The following BTF3L4 variants were observed in gnomAD, a reference collection of about 807,000 sequenced individuals.
The protein encoded by BTF3L4 is transcription factor BTF3 homolog 4.
In BTF3L4, 6 loss-of-function variants were observed where a neutral mutation model predicts 16.8. The observed-to-expected ratio is 0.36, with a 90% confidence interval of 0.20 to 0.71. The LOEUF is 0.71. Among genes scored for constraint, BTF3L4 ranks in the 30% least tolerant of loss-of-function variants. The pLI, the probability that BTF3L4 is intolerant of heterozygous loss-of-function variation, is 0.58. For synonymous variants in BTF3L4, 39 were observed against 59.8 expected (o/e 0.65, Z 1.60); for missense variants, 92 against 186.9 (o/e 0.49, Z 2.96).
chr1:52,064,136 C>G (rs1330595876), intron 2 of BTF3L4, among the ~76,000 whole-genome samples: 1 of 152,212 alleles, frequency 6.6e-6, no homozygotes, highest in Non-Finnish European at 1.5e-5. Flanking sequence ...CCCATTTTCT[C>G]TCTTCTAGAA....
chr1:52,076,367 A>G (rs1206812724), intron 3 of BTF3L4, among the ~76,000 whole-genome samples: 1 of 152,072 alleles, frequency 6.6e-6, no homozygotes, highest in Non-Finnish European at 1.5e-5. Context: ...CGATGTCAGG[A>G]GTTCGAGACT....
chr1:52,066,358 A>ATT (rs201141498), intron 3 of BTF3L4, among the ~76,000 whole-genome samples: 2 of 138,902 alleles, frequency 1.4e-5, no homozygotes, highest in African/African-American at 2.6e-5. Flanking sequence ...CACCCGGATA[A>ATT]TTTTTTTTTT....
rs1643974160 is a variant in BTF3L4, at chr1:52,086,523, A to G, written c.431-189A>G. ...AAAAGATGAACATTTCCTTAGGATT[A>G]CTGTCCTAAGCAAATAATTAAATCA... On this transcript the variant is annotated intron_variant, in intron 5 of 5. Coordinates refer to ENST00000313334, the MANE Select transcript of BTF3L4 (RefSeq NM_152265.5). The G allele has an allele frequency of 1.4e-5, 7 of 510,620 alleles. No individual in the cohort carries two copies. The South Asian group carries it at 1.7e-4, about 13-fold the overall frequency. 31.6% of individuals were successfully genotyped at this position (510,620 alleles called of 1,614,324 possible).
chr1:52,060,717 A>C, intron 2 of BTF3L4: 1 of 715,834 alleles, frequency 1.4e-6, no homozygotes, highest in Non-Finnish European at 1.7e-6. Flanking sequence ...ACTGATGATA[A>C]CCACAGTTCC....
chr1:52,071,817 T>C (rs1686792417), intron 3 of BTF3L4, among the ~76,000 whole-genome samples: 1 of 152,090 alleles, frequency 6.6e-6, no homozygotes, highest in East Asian at 1.9e-4. Context: ...TAGACAGCTC[T>C]GAGTACACGA....
chr1:52,060,638 T>C (rs1031414201), intron 2 of BTF3L4: 1 of 1,082,116 alleles, frequency 9.2e-7, no homozygotes, highest in African/African-American at 1.6e-5. Context: ...GAAAGAATAG[T>C]ACTTACCTCA....
At chr1:52,061,218 G>C (rs1209104713) in intron 2 of BTF3L4, among the ~76,000 whole-genome samples, 2 of 152,188 alleles carry the variant, frequency 1.3e-5, no homozygotes, top group Non-Finnish European at 2.9e-5. Flanking sequence ...GTAATGGGTG[G>C]TGGCTCACGC....
chr1:52,068,743 C>A (rs375184986), intron 3 of BTF3L4, among the ~76,000 whole-genome samples: 1 of 152,276 alleles, frequency 6.6e-6, no homozygotes, highest in Admixed American at 6.5e-5. Flanking sequence ...GTACTGAGCA[C>A]CTACCATGCA....
chr1:52,068,083 A>G (rs902315440), intron 3 of BTF3L4, among the ~76,000 whole-genome samples: 6 of 152,198 alleles, frequency 3.9e-5, no homozygotes, highest in African/African-American at 1.4e-4. Flanking sequence ...GTTTTTGTTC[A>G]GATTTGGAAG....
chr1:52,059,986 C>G, intron 2 of BTF3L4, 85 bp downstream of exon 2: 1 of 1,312,186 alleles, frequency 7.6e-7, no homozygotes, highest in South Asian at 1.4e-5. Flanking sequence ...CATTGAAAAT[C>G]TAAAATCTTT....
intron 1 of BTF3L4, among the ~76,000 whole-genome samples, chr1:52,057,004 CAAT>C (rs1157768257): frequency 6.6e-6 from 1 of 152,164 alleles, no homozygotes; most frequent in Non-Finnish European, 1.5e-5. Flanking sequence ...GGAGTGGTAA[CAAT>C]AGTTACCAGT....
intron 1 of BTF3L4, among the ~76,000 whole-genome samples, chr1:52,059,329 T>C (rs189530747): frequency 6.6e-6 from 1 of 152,330 alleles, no homozygotes; most frequent in Admixed American, 6.5e-5. Context: ...TAGACAGCCT[T>C]TTGTTGAATT....
rs969243371 is a variant in BTF3L4 at position 52,089,051 on chromosome 1, C to T, written c.*2293C>T. 1.2e-4 allele frequency: 18 copies of T among 152,056 alleles called. No homozygotes were observed. The highest frequency in any genetic ancestry group is 3.9e-4 in the African/African-American group (16 of 41,368). The allele number at this position is 152,056 out of a possible 1,614,324, so 9.4% of individuals were successfully genotyped here. A position where few individuals can be genotyped will look rare whatever the true frequency, so the allele number is the denominator to read the frequency against. ...CTAGGATTACAGGCGTGAGCCACTGCACCCAGCCCAAATGAGATGTTTCTA... is the reference window on the plus strand; with the variant it reads ...CTAGGATTACAGGCGTGAGCCACTGTACCCAGCCCAAATGAGATGTTTCTA... On this transcript the variant is annotated 3_prime_UTR_variant, in exon 6 of 6. Transcript: ENST00000313334.
intron 3 of BTF3L4, among the ~76,000 whole-genome samples, chr1:52,069,563 A>G (rs1394729291): frequency 6.6e-6 from 1 of 152,196 alleles, no homozygotes; most frequent in East Asian, 1.9e-4. Context: ...CTTGTTACAA[A>G]GTGTGAACTC....
At chr1:52,067,541 T>A (rs928834269) in intron 3 of BTF3L4, among the ~76,000 whole-genome samples, 5 of 152,220 alleles carry the variant, frequency 3.3e-5, no homozygotes, top group Non-Finnish European at 7.3e-5. Context: ...AGCTTTTATA[T>A]ATTTTCATGG....
intron 1 of BTF3L4, among the ~76,000 whole-genome samples, chr1:52,058,830 C>T (rs1394431233): frequency 1.3e-5 from 2 of 152,162 alleles, no homozygotes; most frequent in Non-Finnish European, 2.9e-5. Context: ...GAACTCCCGA[C>T]CTCAGGTGAT....
At chr1:52,074,701 T>G (rs6702004) in intron 3 of BTF3L4, among the ~76,000 whole-genome samples, 138,449 of 150,124 alleles carry the variant, frequency 0.92, 64,629 homozygotes, top group Non-Finnish European at 1. Context: ...TAGAGATGGG[T>G]TTTCACTGTT....
chr1:52,072,706 C>T (rs1686820099), intron 3 of BTF3L4, among the ~76,000 whole-genome samples: 1 of 152,152 alleles, frequency 6.6e-6, no homozygotes, highest in African/African-American at 2.4e-5. Context: ...GCGTATACCA[C>T]ATTTTATCCA....
chr1:52,075,724 C>T (rs1200724582), intron 3 of BTF3L4, among the ~76,000 whole-genome samples: 4 of 151,540 alleles, frequency 2.6e-5, no homozygotes, highest in South Asian at 2.1e-4. Context: ...AGTGCGGTGG[C>T]GCGATCTTGG....
Sources: allele counts gnomAD v4.1 joint callset (sites outside exome capture counted in the v4.1 genomes callset), GRCh38; gene constraint gnomAD v4.1.1; transcripts MANE v1.5; gene names NCBI Gene and HGNC (gene_info 2026-07-23, HGNC 2026-07-21).